The following DSE variants were observed in gnomAD, a reference collection of about 807,000 sequenced individuals.
The protein encoded by DSE is dermatan sulfate epimerase.
A neutral mutation model predicts 84.4 loss-of-function variants in DSE; 36 were observed. That is an observed-to-expected ratio of 0.43 (90% CI 0.33 to 0.56). DSE has a LOEUF of 0.56. Ranked by LOEUF, DSE falls within the 20% of genes least tolerant of loss-of-function variation. The pLI is 0.06. For synonymous variants in DSE, 410 were observed against 430.1 expected, an observed-to-expected ratio of 0.95 and a Z score of 0.58; for missense variants, 862 against 1,169.6, an observed-to-expected ratio of 0.74 and a Z score of 3.84.
chr6:116,304,794 A>G (rs1449701075), intron 2 of DSE, among the ~76,000 whole-genome samples: 1 of 152,130 alleles, frequency 6.6e-6, no homozygotes. Context: ...ATCTGCCTAG[A>G]ATGAAACTCT....
intron 2 of DSE, chr6:116,279,337 G>T: frequency 6.2e-7 from 1 of 1,611,044 alleles, no homozygotes. Flanking sequence ...AGCCACGGCT[G>T]CTGAGACGGT....
chr6:116,437,123 G>A lies in DSE; in HGVS notation c.2655G>A (p.Met885Ile). The A allele has an allele frequency of 6.2e-7, 1 of 1,614,098 alleles. No homozygotes were observed. Among genetic ancestry groups the A allele is most frequent in the African/African-American group, 1.3e-5 (1 of 75,018 alleles). ...AAGGCCGGTTTGGACAGGCACGGATGGTGACAACTACACACAGCAGGGCCC... is the reference window on the plus strand; with the variant it reads ...AAGGCCGGTTTGGACAGGCACGGATAGTGACAACTACACACAGCAGGGCCC... ...LIKGRFGQAR[M>I]VTTTHSRAPS... Residue 885 changes from methionine (M) to isoleucine (I), a missense_variant, in exon 6 of 6, where the codon ATG (methionine) becomes ATA (isoleucine). Met to Ile is a conservative substitution (Grantham distance 10, BLOSUM62 1). Transcript: ENST00000644252.
intron 1 of DSE, among the ~76,000 whole-genome samples, chr6:116,372,082 GTTAA>G (rs1358361982): frequency 6.6e-6 from 1 of 152,218 alleles, no homozygotes; most frequent in Non-Finnish European, 1.5e-5. Context: ...GTTTAGCACT[GTTAA>G]TTAAATGCAT....
chr6:116,329,106 T>A (rs1776797187), intron 2 of DSE, among the ~76,000 whole-genome samples: 1 of 152,208 alleles, frequency 6.6e-6, no homozygotes, highest in Admixed American at 6.5e-5. Flanking sequence ...AAAACAAATG[T>A]AAGCTGAATA....
chr6:116,400,065 T>TG (rs1781500048), intron 2 of DSE: 1 of 172,702 alleles, frequency 5.8e-6, no homozygotes, highest in African/African-American at 2.4e-5. Context: ...AAGACTTACT[T>TG]GCATTTTATG....
intron 1 of DSE, among the ~76,000 whole-genome samples, chr6:116,373,785 T>G (rs991043646): frequency 1.3e-5 from 2 of 152,252 alleles, no homozygotes; most frequent in African/African-American, 2.4e-5. Flanking sequence ...CTGATGAAAG[T>G]GCATTTTGCG....
At chr6:116,313,625 G>A (rs553883277) in intron 2 of DSE, among the ~76,000 whole-genome samples, 3 of 152,172 alleles carry the variant, frequency 2.0e-5, no homozygotes, top group Non-Finnish European at 2.9e-5. Flanking sequence ...ATCACCATTA[G>A]AGTCACACAT....
intron 2 of DSE, among the ~76,000 whole-genome samples, chr6:116,262,961 G>T (rs1772475341): frequency 1.3e-5 from 2 of 152,136 alleles, no homozygotes. Flanking sequence ...ATTTGATTTT[G>T]CTGTGGTTCA....
At chr6:116,433,139 G>A (rs1783947545) in intron 4 of DSE, 1 of 583,112 alleles carries the variant, frequency 1.7e-6, no homozygotes. Flanking sequence ...ATACAAGCTT[G>A]CACACAACAT....
intron 2 of DSE, among the ~76,000 whole-genome samples, chr6:116,313,703 T>G (rs530836243): frequency 2.6e-5 from 4 of 152,352 alleles, no homozygotes; most frequent in Admixed American, 6.5e-5. Flanking sequence ...TTCTCTTATT[T>G]TAGTTACAGC....
At chr6:116,357,828 G>T (rs1252346188) in intron 2 of DSE, among the ~76,000 whole-genome samples, 1 of 152,188 alleles carries the variant, frequency 6.6e-6, no homozygotes, top group Non-Finnish European at 1.5e-5. Context: ...ACGTGTGTGT[G>T]TATTTTTCAA....
intron 2 of DSE, among the ~76,000 whole-genome samples, chr6:116,332,772 A>G (rs905891351): frequency 6.6e-6 from 1 of 152,208 alleles, no homozygotes; most frequent in African/African-American, 2.4e-5. Flanking sequence ...GCTACATGGT[A>G]AAATATATTA....
chr6:116,387,119 A>C (rs1288232173), intron 1 of DSE, among the ~76,000 whole-genome samples: 1 of 152,174 alleles, frequency 6.6e-6, no homozygotes, highest in Non-Finnish European at 1.5e-5. Flanking sequence ...TGACTCACCC[A>C]TAGGAGTTTG....
intron 2 of DSE, among the ~76,000 whole-genome samples, chr6:116,345,450 C>G (rs1267458526): frequency 6.6e-6 from 1 of 152,180 alleles, no homozygotes; most frequent in Non-Finnish European, 1.5e-5. Context: ...AACTAGAACT[C>G]AGGATTAAGA....
chr6:116,364,725 A>G (rs1437179761), intron 2 of DSE, among the ~76,000 whole-genome samples: 1 of 152,202 alleles, frequency 6.6e-6, no homozygotes, highest in Non-Finnish European at 1.5e-5. Context: ...ATAAAAACTA[A>G]TCTTCACAAT....
At chr6:116,350,640 G>A (rs951565928) in intron 2 of DSE, among the ~76,000 whole-genome samples, 1 of 152,114 alleles carries the variant, frequency 6.6e-6, no homozygotes, top group South Asian at 2.1e-4. Context: ...ACATTGTTTT[G>A]TACTCATTTG....
At chr6:116,407,798 A>G (rs1782031909) in intron 2 of DSE, among the ~76,000 whole-genome samples, 3 of 152,234 alleles carry the variant, frequency 2.0e-5, no homozygotes, top group African/African-American at 7.2e-5. Flanking sequence ...TCACCCATCC[A>G]GAGCTTAGAG....
chr6:116,298,844 CA>C (rs1774822390), intron 2 of DSE, among the ~76,000 whole-genome samples: 1 of 152,182 alleles, frequency 6.6e-6, no homozygotes, highest in South Asian at 2.1e-4. Flanking sequence ...AAAACGGAGC[CA>C]TCCTCTTCTA....
rs1278550100 is a variant in DSE, at chr6:116,394,682, A to C, written c.-53-4516A>C. 7.2e-5 allele frequency among the ~76,000 whole-genome samples: 11 copies of C among 152,270 alleles called. No individual in the cohort carries two copies. In the East Asian group the frequency reaches 1.9e-3, roughly 27 times the overall value. Reference sequence around the variant, plus strand: ...AGGCTGGTCTCAAACTCCTGACCTCAACTGATCCTCCTACCTCATAGATTT... The same window carrying C: ...AGGCTGGTCTCAAACTCCTGACCTCCACTGATCCTCCTACCTCATAGATTT... On this transcript the variant is annotated intron_variant, in intron 1 of 5. Coordinates refer to ENST00000644252, the MANE Select transcript of DSE (RefSeq NM_013352.4).
Sources: allele counts gnomAD v4.1 joint callset (sites outside exome capture counted in the v4.1 genomes callset), GRCh38; gene constraint gnomAD v4.1.1; transcripts MANE v1.5; gene names NCBI Gene and HGNC (gene_info 2026-07-23, HGNC 2026-07-21).